DIS3L2: variants seen among roughly 807,000 people sequenced by gnomAD.
The protein encoded by DIS3L2 is DIS3 like 3'-5' exoribonuclease 2.
In DIS3L2, 34 loss-of-function variants were observed where a neutral mutation model predicts 97.5. That is an observed-to-expected ratio of 0.35 (90% confidence interval 0.27 to 0.46). The LOEUF (loss-of-function observed/expected upper bound fraction) is 0.46. DIS3L2 is among the 20% of genes least tolerant of loss of function. DIS3L2 has a pLI of 1.00. For missense variants in DIS3L2, 1,038 were observed against 1,146.0 expected, an observed-to-expected ratio of 0.91 and a Z score of 1.36; for synonymous variants, 435 against 445.2, an observed-to-expected ratio of 0.98 and a Z score of 0.29.
chr2:232,206,341 G>C (rs1338852579), intron 9 of DIS3L2, among the ~76,000 whole-genome samples: 3 of 151,862 alleles, frequency 2.0e-5, no homozygotes, highest in Admixed American at 1.3e-4. Context: ...ATCTAAAACA[G>C]GGGTCAGCAA....
chr2:231,962,274 G>GT (rs35388218), intron 1 of DIS3L2, among the ~76,000 whole-genome samples: 69,033 of 148,610 alleles, frequency 0.46, 17,561 homozygotes, highest in African/African-American at 0.69. Flanking sequence ...ATCATAGAGA[G>GT]TTTTTTTTTT....
intron 13 of DIS3L2, among the ~76,000 whole-genome samples, chr2:232,289,750 G>C (rs1213819452): frequency 6.6e-6 from 1 of 152,186 alleles, no homozygotes; most frequent in Non-Finnish European, 1.5e-5. Flanking sequence ...CTCTGAGTGG[G>C]TGGAGAGCCT....
intron 14 of DIS3L2, among the ~76,000 whole-genome samples, chr2:232,314,532 G>A (rs1695217636): frequency 1.3e-5 from 2 of 152,092 alleles, no homozygotes; most frequent in Non-Finnish European, 2.9e-5. Context: ...AAATACCCAT[G>A]GATGCCCCAA....
rs180905094 is a variant in DIS3L2 at position 232,127,762 on chromosome 2, T to G, written c.602-2857T>G. ...CATGGTCTTTGTTCTGGTCCTTGATTGTGTGAAGAACTTCCTGCCTTTACC... is the reference window on the plus strand; with the variant it reads ...CATGGTCTTTGTTCTGGTCCTTGATGGTGTGAAGAACTTCCTGCCTTTACC... On this transcript the variant is annotated intron_variant, in intron 6 of 20. Coordinates refer to ENST00000325385, the MANE Select transcript of DIS3L2 (RefSeq NM_152383.5). Among the ~76,000 whole-genome samples the G allele has an allele frequency of 2.8e-3, 430 of 152,308 alleles. 5 individuals are homozygous for G. Among genetic ancestry groups the G allele is most frequent in the Admixed American group, 0.026 (392 of 15,296 alleles).
chr2:232,061,919 C>T (rs1342374618), intron 5 of DIS3L2, among the ~76,000 whole-genome samples: 1 of 152,162 alleles, frequency 6.6e-6, no homozygotes, highest in Non-Finnish European at 1.5e-5. Context: ...CACACTTGGG[C>T]CCAAACAAGG....
chr2:232,256,468 T>A (rs561098126), intron 12 of DIS3L2, among the ~76,000 whole-genome samples: 6 of 152,264 alleles, frequency 3.9e-5, no homozygotes, highest in African/African-American at 1.4e-4. Flanking sequence ...ATTCTGAGAA[T>A]TGGACATTGT....
chr2:232,285,112 G>C (rs1163182505), intron 13 of DIS3L2, among the ~76,000 whole-genome samples: 1 of 152,056 alleles, frequency 6.6e-6, no homozygotes, highest in Non-Finnish European at 1.5e-5. Context: ...TGTTGTTTTG[G>C]GTTTTTTTTC....
intron 5 of DIS3L2, among the ~76,000 whole-genome samples, chr2:232,068,435 G>T (rs1325288995): frequency 6.7e-6 from 1 of 149,782 alleles, no homozygotes; most frequent in African/African-American, 2.5e-5. Context: ...AAATACAAAA[G>T]TTAGCTGGGC....
intron 10 of DIS3L2, among the ~76,000 whole-genome samples, chr2:232,232,682 G>A (rs993513790): frequency 6.6e-6 from 1 of 152,176 alleles, no homozygotes; most frequent in Non-Finnish European, 1.5e-5. Context: ...GGAGGTATGA[G>A]TGTGATGTGA....
intron 1 of DIS3L2, among the ~76,000 whole-genome samples, chr2:231,994,089 T>C (rs544910280): frequency 4.0e-5 from 6 of 151,702 alleles, no homozygotes; most frequent in African/African-American, 1.4e-4. Flanking sequence ...GTTTTTTTTT[T>C]TTTTTTGGTC....
chr2:232,149,355 A>T (rs1386867314), intron 8 of DIS3L2, among the ~76,000 whole-genome samples: 15 of 74,318 alleles, frequency 2.0e-4, no homozygotes, highest in Admixed American at 3.7e-4. Context: ...CCCTCCCCCG[A>T]CCCCACCACA....
chr2:232,289,510 T>C (rs2106310761), intron 13 of DIS3L2, among the ~76,000 whole-genome samples: 1 of 152,328 alleles, frequency 6.6e-6, no homozygotes, highest in South Asian at 2.1e-4. Flanking sequence ...TGACTTCAGG[T>C]GATCCACCTG....
intron 20 of DIS3L2, 136 bp from the exon 21 acceptor site, chr2:232,336,333 C>G: frequency 6.5e-7 from 1 of 1,547,938 alleles, no homozygotes; most frequent in Non-Finnish European, 8.7e-7. Flanking sequence ...GAGGGGGCCC[C>G]CATTACAGAC....
chr2:232,191,644 T>G (rs1691620975), intron 9 of DIS3L2, among the ~76,000 whole-genome samples: 1 of 152,232 alleles, frequency 6.6e-6, no homozygotes, highest in South Asian at 2.1e-4. Flanking sequence ...TTGTGTTTAC[T>G]CCTAGTGCTC....
rs111503311 is a variant in DIS3L2, at chr2:232,197,476, C to T, written c.1125-12850C>T. On this transcript the variant is annotated intron_variant, in intron 9 of 20. Coordinates refer to ENST00000325385, the MANE Select transcript of DIS3L2 (RefSeq NM_152383.5). ...CTTTCTCAGTCATACTAAGGAGTAT[C>T]TACTGTGAAGAAACTATATCAGAAC... Among the ~76,000 whole-genome samples, 23 of 152,186 alleles carry T rather than the reference C, an allele frequency of 1.5e-4. 2 individuals are homozygous for T. The highest frequency in any genetic ancestry group is 5.5e-4 in the African/African-American group (23 of 41,524).
intron 10 of DIS3L2, among the ~76,000 whole-genome samples, chr2:232,211,746 G>T (rs1001057303): frequency 6.6e-6 from 1 of 152,222 alleles, no homozygotes; most frequent in Non-Finnish European, 1.5e-5. Flanking sequence ...TACTATAATA[G>T]ATGGGGAAGC....
chr2:232,236,518 T>C (rs1328944648), intron 10 of DIS3L2, among the ~76,000 whole-genome samples: 1 of 152,180 alleles, frequency 6.6e-6, no homozygotes, highest in Non-Finnish European at 1.5e-5. Flanking sequence ...TCTTAGACTA[T>C]TATTTTCTGT....
At chr2:232,173,851 A>C (rs908931260) in intron 9 of DIS3L2, among the ~76,000 whole-genome samples, 12 of 152,198 alleles carry the variant, frequency 7.9e-5, no homozygotes, top group Non-Finnish European at 1.8e-4. Flanking sequence ...ACTTTGTAGT[A>C]AGTTTTGAAA....
chr2:231,996,300 T>C (rs1410804299), intron 1 of DIS3L2, among the ~76,000 whole-genome samples: 1 of 152,198 alleles, frequency 6.6e-6, no homozygotes, highest in Non-Finnish European at 1.5e-5. Flanking sequence ...CTTCCAACCT[T>C]GCCTTAGATA....
Sources: allele counts gnomAD v4.1 joint callset (sites outside exome capture counted in the v4.1 genomes callset), GRCh38; gene constraint gnomAD v4.1.1; transcripts MANE v1.5; gene names NCBI Gene and HGNC (gene_info 2026-07-23, HGNC 2026-07-21).